Variants in RABL3 observed in about 807,000 individuals in gnomAD.
RABL3 encodes the protein RAB, member of RAS oncogene family like 3.
In RABL3, 31 loss-of-function variants were observed where a neutral mutation model predicts 31.8. The observed-to-expected ratio is 0.97, with a 90% confidence interval of 0.73 to 1.31. RABL3 has a LOEUF of 1.31. RABL3 is among the 40% of genes most tolerant of loss of function. The pLI, the probability that RABL3 is intolerant of heterozygous loss-of-function variation, is 0.00. For synonymous variants in RABL3, 97 were observed against 99.9 expected (o/e 0.97, Z 0.18); for missense variants, 263 against 279.6 (o/e 0.94, Z 0.42).
rs61372023 is a variant in RABL3, at chr3:120,713,808, C to CTTTT, written c.139-3903_139-3900dup. Among the ~76,000 whole-genome samples, 171 of 121,688 alleles carry CTTTT rather than the reference C, an allele frequency of 1.4e-3. 3 individuals are homozygous for CTTTT. The highest frequency in any genetic ancestry group is 4.7e-3 in the African/African-American group (155 of 33,126). The allele number at this position is 121,688 out of a possible 152,430, so 79.8% of individuals were successfully genotyped here. A position where few individuals can be genotyped will look rare whatever the true frequency, so the allele number is the denominator to read the frequency against. On this transcript the variant is annotated intron_variant, in intron 2 of 7. Transcript: ENST00000273375. ...TGAAGAGTTCATTCATTGTCTGTAA[C>CTTTT]TTTTTTTTTTTTTTTTTTTTGAGAT... is the stretch of plus-strand genomic sequence containing the variant.
At chr3:120,697,871 G>A (rs1708454173) in intron 5 of RABL3, among the ~76,000 whole-genome samples, 1 of 152,106 alleles carries the variant, frequency 6.6e-6, no homozygotes, top group African/African-American at 2.4e-5. Context: ...CCTTTCTCAA[G>A]AAAAAGCCCA....
rs530059217 is a variant in RABL3, at chr3:120,716,796, A to T, written c.139-6887T>A. 2.6e-5 allele frequency among the ~76,000 whole-genome samples: 4 copies of T among 152,364 alleles called. No individual in the cohort carries two copies. The East Asian group carries it at 7.7e-4, about 29-fold the overall frequency. On this transcript the variant is annotated intron_variant, in intron 2 of 7. Coordinates refer to ENST00000273375, the MANE Select transcript of RABL3 (RefSeq NM_173825.5). ...GTAACAGTGCTCTCCCAAGTTATTT[A>T]GGTAAAGGCTTTATAAGCTTTAGTT...
intron 6 of RABL3, among the ~76,000 whole-genome samples, chr3:120,693,805 TCTC>T (rs1438745532): frequency 6.6e-6 from 1 of 151,990 alleles, no homozygotes; most frequent in African/African-American, 2.4e-5. Flanking sequence ...TTAAGCAGAA[TCTC>T]CTCAGTTCAG....
chr3:120,717,589 T>G (rs949110457), intron 2 of RABL3, among the ~76,000 whole-genome samples: 2 of 152,098 alleles, frequency 1.3e-5, no homozygotes, highest in African/African-American at 2.4e-5. Context: ...CTACCTCAGC[T>G]TCCCGAGTAG....
chr3:120,711,718 T>A (rs1708614735), intron 2 of RABL3, among the ~76,000 whole-genome samples: 1 of 152,160 alleles, frequency 6.6e-6, no homozygotes, highest in African/African-American at 2.4e-5. Flanking sequence ...GGTTCATGAG[T>A]ACACATCGGC....
intron 2 of RABL3, among the ~76,000 whole-genome samples, chr3:120,715,033 T>C (rs2107585488): frequency 6.6e-6 from 1 of 152,350 alleles, no homozygotes; most frequent in East Asian, 1.9e-4. Flanking sequence ...AGATACCTCC[T>C]TTCACCATGT....
chr3:120,720,233 GA>G (rs777876386), intron 2 of RABL3, among the ~76,000 whole-genome samples: 1 of 152,144 alleles, frequency 6.6e-6, no homozygotes, highest in Non-Finnish European at 1.5e-5. Flanking sequence ...CAAAGATGGG[GA>G]AAAAACAGAG....
rs373989642 is a variant in RABL3, at chr3:120,701,438, T to G, written c.384-2865A>C. On this transcript the variant is annotated intron_variant, in intron 4 of 7. Coordinates refer to ENST00000273375, the MANE Select transcript of RABL3 (RefSeq NM_173825.5). ...TCAAAATGAAACTGTAGTGTCAAAA[T>G]GCAAATGGGTATAGAACTTTTACTG... Among the ~76,000 whole-genome samples, 67 of 152,300 alleles carry G rather than the reference T, an allele frequency of 4.4e-4. No individual in the cohort carries two copies. The East Asian group carries it at 9.1e-3, about 21-fold the overall frequency.
chr3:120,738,827 T>G (rs1576351033), intron 1 of RABL3, among the ~76,000 whole-genome samples: 1 of 152,210 alleles, frequency 6.6e-6, no homozygotes, highest in Non-Finnish European at 1.5e-5. Flanking sequence ...TAGGGTGTTT[T>G]GAAATTTTTG....
chr3:120,687,620 G>C lies in RABL3; in HGVS notation c.*2203C>G, dbSNP rs1708326618. 1.3e-5 allele frequency: 2 copies of C among 152,032 alleles called. No individual in the cohort carries two copies. Among genetic ancestry groups the C allele is most frequent in the South Asian group, 4.1e-4 (2 of 4,822 alleles). The allele number at this position is 152,032 out of a possible 1,614,324, so 9.4% of individuals were successfully genotyped here. A position where few individuals can be genotyped will look rare whatever the true frequency, so the allele number is the denominator to read the frequency against. ...CCTTATTATGCTGCTGCTAATAATT[G>C]CAACAAATTTACCTTAGATTATTAA... On this transcript the variant is annotated 3_prime_UTR_variant, in exon 8 of 8. Transcript: ENST00000273375.
intron 2 of RABL3, among the ~76,000 whole-genome samples, chr3:120,711,656 A>G (rs1559816315): frequency 6.6e-6 from 1 of 152,276 alleles, no homozygotes; most frequent in East Asian, 1.9e-4. Flanking sequence ...CCTGTACTGT[A>G]TAACTATTCA....
intron 4 of RABL3, among the ~76,000 whole-genome samples, chr3:120,700,325 C>T (rs535090665): frequency 6.6e-6 from 1 of 152,106 alleles, no homozygotes; most frequent in South Asian, 2.1e-4. Context: ...ATTTAATTAT[C>T]ACTTCAGAGA....
At chr3:120,735,179 T>C (rs1268368004) in intron 1 of RABL3, among the ~76,000 whole-genome samples, 1 of 151,908 alleles carries the variant, frequency 6.6e-6, no homozygotes, top group African/African-American at 2.4e-5. Context: ...GGTCCTGGAC[T>C]TTTTTTGGTT....
chr3:120,685,643 G>A lies in RABL3; in HGVS notation c.*4180C>T, dbSNP rs931387199. Among the ~76,000 whole-genome samples, 16 of 152,306 alleles carry A rather than the reference G, an allele frequency of 1.1e-4. No individual in the cohort carries two copies. Among genetic ancestry groups the A allele is most frequent in the Admixed American group, 9.8e-4 (15 of 15,306 alleles). ...GGCATATGTAGCTTTGAGTGGGGAG[G>A]AGTGGATCAGTTCATTAAGGTGAGA... On this transcript the variant is annotated 3_prime_UTR_variant, in exon 8 of 8. Transcript: ENST00000273375.
Position 120,730,798 on chromosome 3 carries a change from T to C in RABL3, c.47-11A>G, listed in dbSNP as rs1373498871. 1.9e-6 allele frequency: 3 copies of C among 1,572,950 alleles called. No homozygotes were observed. Among genetic ancestry groups the C allele is most frequent in the Non-Finnish European group, 2.6e-6 (3 of 1,142,864 alleles). On this transcript the variant is annotated splice_polypyrimidine_tract_variant and intron_variant, in intron 1 of 7. Transcript: ENST00000273375. The stretch of plus-strand genomic sequence containing the variant: ...AAGATTTCCCAACACCTGTAAGAGA[T>C]ACAAGAACTCTAGTCACATAAGAGA...
chr3:120,716,416 C>T (rs908547224), intron 2 of RABL3, among the ~76,000 whole-genome samples: 1 of 152,136 alleles, frequency 6.6e-6, no homozygotes, highest in Non-Finnish European at 1.5e-5. Flanking sequence ...TGAGTACATA[C>T]ATTAAACTCA....
In RABL3 at chr3:120,686,641, C is replaced by T. The variant is rs916624986; in HGVS notation, c.*3182G>A. On this transcript the variant is annotated 3_prime_UTR_variant, in exon 8 of 8. Transcript: ENST00000273375. Reference sequence around the variant, plus strand: ...AGAAGAGCTTTCTTTCTTCACCCATCACTAGGTTCACAAATGAGGCACCTA... The same window carrying T: ...AGAAGAGCTTTCTTTCTTCACCCATTACTAGGTTCACAAATGAGGCACCTA... The T allele has an allele frequency of 1.3e-5, 2 of 152,306 alleles. No individual in the cohort carries two copies. Among genetic ancestry groups the T allele is most frequent in the African/African-American group, 4.8e-5 (2 of 41,570 alleles). 9.4% of individuals were successfully genotyped at this position (152,306 alleles called of 1,614,324 possible).
intron 4 of RABL3, among the ~76,000 whole-genome samples, chr3:120,702,814 C>T (rs1195278440): frequency 1.3e-5 from 2 of 152,130 alleles, no homozygotes; most frequent in Non-Finnish European, 1.5e-5. Context: ...GCCTTGGCCT[C>T]CCAAAGTGCT....
intron 4 of RABL3, among the ~76,000 whole-genome samples, chr3:120,704,379 T>G (rs1415129562): frequency 4.6e-5 from 7 of 152,198 alleles, no homozygotes; most frequent in Admixed American, 4.6e-4. Context: ...GTTCATGATA[T>G]TAACAAAACT....
Sources: gnomAD v4.1 joint callset for allele counts (sites outside exome capture counted in the v4.1 genomes callset) on GRCh38, gnomAD v4.1.1 for gene constraint, MANE v1.5 for transcripts, NCBI Gene and HGNC (gene_info 2026-07-23, HGNC 2026-07-21) for gene names.